The following EIPR1 variants were observed in gnomAD, a reference collection of about 807,000 sequenced individuals.
The protein encoded by EIPR1 is EARP and GARP complex-interacting protein 1.
EIPR1 carries 25 observed loss-of-function variants against 48.1 expected under a neutral mutation model. The observed-to-expected ratio is 0.52, with a 90% CI of 0.38 to 0.73. EIPR1 has a LOEUF of 0.73. EIPR1 is among the 30% of genes least tolerant of loss of function. The pLI is 0.00. For synonymous variants in EIPR1, 204 were observed against 201.9 expected (o/e 1.01, Z -0.09); for missense variants, 415 against 506.2 (o/e 0.82, Z 1.73).
In EIPR1 at chr2:3,257,519, G is replaced by A. The variant is rs1667198193; in HGVS notation, c.260-64C>T. 5.1e-6 allele frequency: 8 copies of A among 1,568,880 alleles called. No individual in the cohort carries two copies. In the South Asian group the frequency reaches 7.0e-5, roughly 14 times the overall value. ...CGGTGTGCCCCGCATTCTGCAGACA[G>A]CACACGCACATTTACACAAATCCAT... On this transcript the variant is annotated intron_variant, in intron 3 of 8. Coordinates refer to ENST00000382125, the MANE Select transcript of EIPR1 (RefSeq NM_003310.5).
rs1385603339 is a variant in EIPR1, at chr2:3,277,564, A to T, written c.260-20109T>A. On this transcript the variant is annotated intron_variant, in intron 3 of 8. Transcript: ENST00000382125. ...CAAATAAGAACTCACTTACCCGGTG[A>T]ACAACCCCAGGCCGTGGGAACTACT... Among the ~76,000 whole-genome samples the T allele has an allele frequency of 3.3e-5, 5 of 152,204 alleles. No homozygotes were observed. The South Asian group carries it at 1.0e-3, about 32-fold the overall frequency.
intron 3 of EIPR1, among the ~76,000 whole-genome samples, chr2:3,292,616 G>A (rs958304237): frequency 8.5e-5 from 13 of 152,156 alleles, no homozygotes; most frequent in South Asian, 2.1e-4. Context: ...TACAGCCTCC[G>A]TGCCAGAGCC....
At chr2:3,284,606 C>G (rs1445740754) in intron 3 of EIPR1, among the ~76,000 whole-genome samples, 1 of 152,278 alleles carries the variant, frequency 6.6e-6, no homozygotes, top group Non-Finnish European at 1.5e-5. Context: ...TTCAGCCCAT[C>G]TAATGTCACT....
At position 3,236,733 on chromosome 2, in the gene EIPR1, G is replaced by C. The variant is rs569832626; in HGVS notation, c.416+20566C>G. Among the ~76,000 whole-genome samples the C allele has an allele frequency of 2.5e-4, 38 of 152,252 alleles. 1 individual carries two copies. In the South Asian group the frequency reaches 7.7e-3, roughly 31 times the overall value. On this transcript the variant is annotated intron_variant, in intron 4 of 8. Coordinates refer to ENST00000382125, the MANE Select transcript of EIPR1 (RefSeq NM_003310.5). Reference sequence around the variant, plus strand: ...TGTGAGCCTAGGAGGTGACTCCTACGCTCTTCCTTATTGTACAGATGAGGT... The same window carrying C: ...TGTGAGCCTAGGAGGTGACTCCTACCCTCTTCCTTATTGTACAGATGAGGT...
At chr2:3,300,401 C>T (rs192979094) in intron 3 of EIPR1, among the ~76,000 whole-genome samples, 4 of 152,266 alleles carry the variant, frequency 2.6e-5, no homozygotes, top group Admixed American at 1.3e-4. Flanking sequence ...CTCTCCTTCT[C>T]GTCAGTGCCT....
chr2:3,215,015 G>C (rs1214190353), intron 4 of EIPR1, among the ~76,000 whole-genome samples: 1 of 152,208 alleles, frequency 6.6e-6, no homozygotes, highest in Admixed American at 6.5e-5. Flanking sequence ...ATCAGTAAGA[G>C]AGCCCTCACC....
At chr2:3,205,620 CTG>C (rs1160778313) in intron 5 of EIPR1, among the ~76,000 whole-genome samples, 1 of 152,250 alleles carries the variant, frequency 6.6e-6, no homozygotes, top group Non-Finnish European at 1.5e-5. Context: ...TACAACCTAA[CTG>C]TGGCACCTCT....
intron 4 of EIPR1, among the ~76,000 whole-genome samples, chr2:3,241,101 C>A (rs971090804): frequency 1.3e-5 from 2 of 150,656 alleles, no homozygotes; most frequent in Admixed American, 6.6e-5. Context: ...TAAAGCAAAG[C>A]CAGCAGATCC....
At chr2:3,350,854 G>A (rs889075912) in intron 2 of EIPR1, among the ~76,000 whole-genome samples, 3 of 146,544 alleles carry the variant, frequency 2.0e-5, no homozygotes, top group Non-Finnish European at 4.5e-5. Flanking sequence ...AAACTAATCT[G>A]AGTAATTATC....
At chr2:3,323,573 G>A (rs778262768) in intron 3 of EIPR1, among the ~76,000 whole-genome samples, 9 of 152,208 alleles carry the variant, frequency 5.9e-5, no homozygotes, top group African/African-American at 1.7e-4. Context: ...AACGTTCGCC[G>A]TGTTGTCAGC....
chr2:3,329,300 A>ATG (rs1558302262), intron 3 of EIPR1, among the ~76,000 whole-genome samples: 10 of 49,742 alleles, frequency 2.0e-4, no homozygotes, highest in Admixed American at 4.9e-4. Context: ...ATCTCAGGGC[A>ATG]CCAGCTGGGC....
chr2:3,212,390 C>T (rs969650532), intron 5 of EIPR1, among the ~76,000 whole-genome samples: 8 of 152,160 alleles, frequency 5.3e-5, no homozygotes, highest in Non-Finnish European at 1.2e-4. Context: ...CAGAAGGCTC[C>T]ACCCAGCTCT....
intron 3 of EIPR1, among the ~76,000 whole-genome samples, chr2:3,288,303 C>T (rs1178197480): frequency 6.6e-6 from 1 of 152,192 alleles, no homozygotes; most frequent in East Asian, 1.9e-4. Flanking sequence ...AAACACTGAA[C>T]CCAAAGCAAG....
chr2:3,217,624 C>T (rs968711212), intron 4 of EIPR1, among the ~76,000 whole-genome samples: 2 of 152,150 alleles, frequency 1.3e-5, no homozygotes, highest in African/African-American at 4.8e-5. Flanking sequence ...TTCGTCACAT[C>T]CCACTGCAGA....
chr2:3,269,408 A>AGTC, intron 3 of EIPR1, among the ~76,000 whole-genome samples: 5 of 134,738 alleles, frequency 3.7e-5, no homozygotes, highest in Non-Finnish European at 6.2e-5. Context: ...CATCGCACTC[A>AGTC]ATCATCGCAC....
At chr2:3,301,603 T>C (rs998542941) in intron 3 of EIPR1, 5 of 152,250 alleles carry the variant, frequency 3.3e-5, no homozygotes, top group Non-Finnish European at 7.3e-5. Flanking sequence ...TGGCCAAACA[T>C]ACCTGAACTG....
At chr2:3,232,457 T>G (rs1484298542) in intron 4 of EIPR1, among the ~76,000 whole-genome samples, 1 of 152,232 alleles carries the variant, frequency 6.6e-6, no homozygotes, top group Non-Finnish European at 1.5e-5. Context: ...AATTCCTTCT[T>G]AGACCTGCTT....
chr2:3,281,953 G>T (rs1466718840), intron 3 of EIPR1, among the ~76,000 whole-genome samples: 1 of 152,172 alleles, frequency 6.6e-6, no homozygotes, highest in East Asian at 1.9e-4. Flanking sequence ...TCACATGAAT[G>T]GAACTGAGTG....
At chr2:3,229,504 C>T (rs1029869999) in intron 4 of EIPR1, among the ~76,000 whole-genome samples, 15 of 152,218 alleles carry the variant, frequency 9.9e-5, no homozygotes, top group Non-Finnish European at 1.9e-4. Flanking sequence ...TTCACTGCTT[C>T]GTGATTAGCA....
Sources: allele counts gnomAD v4.1 joint callset (sites outside exome capture counted in the v4.1 genomes callset), GRCh38; gene constraint gnomAD v4.1.1; transcripts MANE v1.5; gene names NCBI Gene and HGNC (gene_info 2026-07-23, HGNC 2026-07-21).